The following RSPO3 variants were observed in gnomAD, a reference collection of about 807,000 sequenced individuals.
RSPO3 encodes the protein R-spondin 3.
RSPO3 carries 17 observed loss-of-function variants against 36.5 expected under a neutral mutation model. The ratio of observed to expected loss-of-function variants is 0.47; its 90% CI spans 0.32 to 0.70. RSPO3 has a LOEUF of 0.70. Among genes scored for constraint, RSPO3 ranks in the 30% least tolerant of loss-of-function variants. The probability of loss-of-function intolerance (pLI) is 0.04; values close to 1 mark genes in which losing one functional copy is unlikely to be tolerated. For synonymous variants in RSPO3, 108 were observed against 107.0 expected (o/e 1.01, Z -0.06); for missense variants, 294 against 322.5 (o/e 0.91, Z 0.68).
chr6:127,125,049 T>C (rs1204817166), intron 1 of RSPO3, among the ~76,000 whole-genome samples: 1 of 152,164 alleles, frequency 6.6e-6, no homozygotes, highest in Admixed American at 6.5e-5. Flanking sequence ...GGGTTGCAGG[T>C]GCCTCTTATC....
rs1340589810 is a variant in RSPO3 at position 127,197,371 on chromosome 6, A to C, written c.*1364A>C. ...TTTCTTGTATGTCAGATCCCCCTGC[A>C]TCTTCAACATTTAGTCTTTTCTTCT... On this transcript the variant is annotated 3_prime_UTR_variant, in exon 5 of 5. Transcript: ENST00000356698. 7.8e-6 allele frequency: 12 copies of C among 1,546,822 alleles called. No individual in the cohort carries two copies. The highest frequency in any genetic ancestry group is 4.1e-5 in the African/African-American group (3 of 72,982).
intron 4 of RSPO3, among the ~76,000 whole-genome samples, chr6:127,156,965 GTAGT>G (rs1306648445): frequency 1.3e-5 from 2 of 152,104 alleles, no homozygotes; most frequent in African/African-American, 4.8e-5. Flanking sequence ...TTCTAATCAA[GTAGT>G]TAATGTGAAA....
chr6:127,150,483 G>A lies in RSPO3; in HGVS notation c.347G>A (p.Ser116Asn), dbSNP rs750584315. Residue 116 changes from serine to asparagine, a missense_variant, in exon 3 of 5, where the codon AGT becomes AAT. By Grantham distance (46) the Ser-to-Asn change is conservative. Transcript: ENST00000356698. ...AAAAATTTCTGCACAAAATGTAAAAGTGGATTTTACTTACACCTTGGAAAG... is the reference window on the plus strand; with the variant it reads ...AAAAATTTCTGCACAAAATGTAAAAATGGATTTTACTTACACCTTGGAAAG... ...FNKNFCTKCK[S>N]GFYLHLGKCL... is the part of the protein sequence containing the mutation. 28 of 1,612,338 alleles carry A rather than the reference G, an allele frequency of 1.7e-5. No individual in the cohort carries two copies. Among genetic ancestry groups the A allele is most frequent in the Non-Finnish European group, 1.1e-5 (13 of 1,179,092 alleles).
chr6:127,144,031 G>A (rs1774330774), intron 1 of RSPO3, among the ~76,000 whole-genome samples: 1 of 152,182 alleles, frequency 6.6e-6, no homozygotes, highest in Admixed American at 6.5e-5. Context: ...ATAGTAGGAA[G>A]CCTTCTTAAC....
intron 4 of RSPO3, among the ~76,000 whole-genome samples, chr6:127,178,219 G>A (rs1246133669): frequency 6.6e-6 from 1 of 151,714 alleles, no homozygotes. Context: ...CTGGACAACA[G>A]CTAATAGTAT....
intron 4 of RSPO3, among the ~76,000 whole-genome samples, chr6:127,175,314 A>G (rs1050427191): frequency 1.3e-5 from 2 of 151,804 alleles, no homozygotes; most frequent in African/African-American, 2.4e-5. Context: ...CATGTTACTT[A>G]GTTTGTGTTT....
chr6:127,171,685 G>GT (rs1050491885), intron 4 of RSPO3, among the ~76,000 whole-genome samples: 31 of 151,592 alleles, frequency 2.0e-4, no homozygotes, highest in African/African-American at 6.0e-4. Context: ...CTGGCATAAT[G>GT]TTTTTTTCAG....
intron 4 of RSPO3, among the ~76,000 whole-genome samples, chr6:127,156,224 G>A (rs1326856100): frequency 6.6e-6 from 1 of 151,292 alleles, no homozygotes; most frequent in Non-Finnish European, 1.5e-5. Context: ...TTTTCATATT[G>A]ATTTCTTTTC....
At chr6:127,191,756 A>G (rs1446692184) in intron 4 of RSPO3, among the ~76,000 whole-genome samples, 1 of 152,210 alleles carries the variant, frequency 6.6e-6, no homozygotes, top group South Asian at 2.1e-4. Context: ...AGAATAGCCT[A>G]TTGGCCTTTT....
intron 4 of RSPO3, among the ~76,000 whole-genome samples, chr6:127,179,064 A>G (rs1775127898): frequency 2.0e-5 from 3 of 151,904 alleles, no homozygotes; most frequent in Admixed American, 6.6e-5. Flanking sequence ...GATCTTGCAG[A>G]TGATATAGTC....
At chr6:127,140,217 T>C (rs1437863088) in intron 1 of RSPO3, among the ~76,000 whole-genome samples, 1 of 152,200 alleles carries the variant, frequency 6.6e-6, no homozygotes, top group East Asian at 1.9e-4. Flanking sequence ...TTGCTAATGG[T>C]AACAATTTAG....
rs773759447 is a variant in RSPO3 at position 127,155,333 on chromosome 6, C to T, written c.529C>T (p.Arg177Ter). 2 of 1,613,762 alleles carry T rather than the reference C, an allele frequency of 1.2e-6. No homozygotes were observed. Among genetic ancestry groups the T allele is most frequent in the Non-Finnish European group, 1.7e-6 (2 of 1,179,888 alleles). Reference sequence around the variant, plus strand: ...CAAAAGAGGGACTGAAACACGGGTCCGAGAAATAATACAGCATCCTTCAGC... The same window carrying T: ...CAAAAGAGGGACTGAAACACGGGTCTGAGAAATAATACAGCATCCTTCAGC... ...GFKRGTETRVREIIQHPSAKG... is the reference protein window; with the variant it reads ...GFKRGTETRV Residue 177 changes from arginine to a stop codon, truncating the protein, a stop_gained, in exon 4 of 5, where the codon CGA becomes TGA. Transcript: ENST00000356698. LOFTEE classifies it high-confidence loss of function.
chr6:127,160,631 A>C (rs75870051), intron 4 of RSPO3, among the ~76,000 whole-genome samples: 10,084 of 152,294 alleles, frequency 0.066, 691 homozygotes, highest in African/African-American at 0.18. Flanking sequence ...TTCTAGGAGA[A>C]GGGTGGTAAC....
chr6:127,128,946 G>A (rs1773996731), intron 1 of RSPO3, among the ~76,000 whole-genome samples: 1 of 151,988 alleles, frequency 6.6e-6, no homozygotes, highest in African/African-American at 2.4e-5. Flanking sequence ...TAGAAGATGG[G>A]TATCAGCCAT....
chr6:127,180,515 A>AAAAAAAAAAAAG (rs1775162612), intron 4 of RSPO3, among the ~76,000 whole-genome samples: 2 of 136,860 alleles, frequency 1.5e-5, no homozygotes, highest in Non-Finnish European at 3.2e-5. Context: ...AAAAAAAAAA[A>AAAAAAAAAAAAG]CCACCAGATC....
At chr6:127,145,501 A>T (rs1774366779) in intron 1 of RSPO3, among the ~76,000 whole-genome samples, 1 of 152,086 alleles carries the variant, frequency 6.6e-6, no homozygotes, top group Non-Finnish European at 1.5e-5. Context: ...TGTAATCTAG[A>T]TCTATTTTAT....
Position 127,191,490 on chromosome 6 carries a change from A to C in RSPO3, c.635-4333A>C, listed in dbSNP as rs78385987. On this transcript the variant is annotated intron_variant, in intron 4 of 4. Coordinates refer to ENST00000356698, the MANE Select transcript of RSPO3 (RefSeq NM_032784.5). The stretch of plus-strand genomic sequence containing the variant: ...ACATTGTCTGCAGAAGGCCATAGGA[A>C]ATGTTTATGTAAAAGACTGTATGTG... Among the ~76,000 whole-genome samples, 37 of 152,356 alleles carry C rather than the reference A, an allele frequency of 2.4e-4. No homozygotes were observed. The East Asian group carries it at 6.7e-3, about 28-fold the overall frequency.
intron 4 of RSPO3, among the ~76,000 whole-genome samples, chr6:127,162,559 A>G (rs970946652): frequency 2.6e-5 from 4 of 152,190 alleles, no homozygotes; most frequent in Non-Finnish European, 4.4e-5. Context: ...ATAAAATCTG[A>G]GGCCAAGATA....
At chr6:127,153,417 A>T (rs1433806641) in intron 3 of RSPO3, among the ~76,000 whole-genome samples, 1 of 151,944 alleles carries the variant, frequency 6.6e-6, no homozygotes, top group Non-Finnish European at 1.5e-5. Context: ...TGTTTCTCTA[A>T]GATAAATTCA....
Sources: allele counts gnomAD v4.1 joint callset (sites outside exome capture counted in the v4.1 genomes callset), GRCh38; gene constraint gnomAD v4.1.1; transcripts MANE v1.5; gene names NCBI Gene and HGNC (gene_info 2026-07-23, HGNC 2026-07-21).